DNAH14: variants seen among roughly 807,000 people sequenced by gnomAD.
DNAH14 encodes the protein dynein axonemal heavy chain 14.
DNAH14 carries 478 observed loss-of-function variants against 520.9 expected under a neutral mutation model. That is an observed-to-expected ratio of 0.92 (90% CI 0.85 to 0.99). The LOEUF (loss-of-function observed/expected upper bound fraction) is 0.99. Ranked by LOEUF, DNAH14 falls within the 50% of genes least tolerant of loss-of-function variation. The pLI is 0.00. For missense variants in DNAH14, 4,831 were observed against 5,234.5 expected (o/e 0.92, Z 2.38); for synonymous variants, 1,581 against 1,757.2 (o/e 0.90, Z 2.51).
chr1:225,311,691 A>G (rs923782231), intron 60 of DNAH14, among the ~76,000 whole-genome samples: 11 of 152,150 alleles, frequency 7.2e-5, no homozygotes, highest in African/African-American at 2.4e-4. Context: ...TCCCAACACT[A>G]TTAAATAGGG....
At chr1:225,021,812 C>T (rs984095015) in intron 10 of DNAH14, among the ~76,000 whole-genome samples, 1 of 151,974 alleles carries the variant, frequency 6.6e-6, no homozygotes, top group Non-Finnish European at 1.5e-5. Flanking sequence ...AACCAAAGAA[C>T]CTGAATTGCC....
chr1:225,375,171 G>A (rs765477082), intron 78 of DNAH14, among the ~76,000 whole-genome samples: 34 of 152,118 alleles, frequency 2.2e-4, no homozygotes, highest in South Asian at 4.1e-4. Context: ...TTCCATGCCA[G>A]TCACTTGATA....
intron 41 of DNAH14, among the ~76,000 whole-genome samples, chr1:225,224,298 A>G (rs1454568292): frequency 6.6e-6 from 1 of 151,432 alleles, no homozygotes; most frequent in Non-Finnish European, 1.5e-5. Flanking sequence ...TAGATTGCAT[A>G]GACCCGCAAT....
intron 36 of DNAH14, among the ~76,000 whole-genome samples, chr1:225,178,817 C>T (rs1378210750): frequency 1.3e-5 from 2 of 152,084 alleles, no homozygotes; most frequent in Non-Finnish European, 2.9e-5. Context: ...TGTCCCCACC[C>T]GTATCTCATC....
At position 225,398,617 on chromosome 1, in the gene DNAH14, C is replaced by T. The variant is rs893251212; in HGVS notation, c.13589C>T (p.Pro4530Leu). The change falls in exon 85 of 86, where the codon CCT becomes CTT. Residue 4530 changes from proline to leucine, a missense_variant. Pro to Leu is a moderately conservative substitution (Grantham distance 98). Transcript: ENST00000682510. ...CAGAAAATACTGGAAGACTCGCTGC[C>T]TCTGGAGATGTGCTGTGATTTTCCC... The part of the protein sequence containing the change: ...REQKILEDSL[P>L]LEMCCDFPDI... 3 of 1,551,606 alleles carry T rather than the reference C, an allele frequency of 1.9e-6. No individual in the cohort carries two copies. In the African/African-American group the frequency reaches 4.1e-5, roughly 21 times the overall value.
At chr1:225,082,218 TTGTC>T (rs1452104286) in intron 19 of DNAH14, among the ~76,000 whole-genome samples, 1 of 87,950 alleles carries the variant, frequency 1.1e-5, no homozygotes, top group East Asian at 3.4e-4. Context: ...ATGTACCCAT[TTGTC>T]TGTATATTTA....
intron 31 of DNAH14, chr1:225,151,783 G>A: frequency 3.1e-6 from 2 of 644,380 alleles, no homozygotes; most frequent in Non-Finnish European, 2.8e-6. Flanking sequence ...AAACATCTTT[G>A]GACATAATCA....
Position 225,080,462 on chromosome 1 carries a change from A to G in DNAH14, c.2850A>G (p.Ala950=), listed in dbSNP as rs1036410645. The change falls in exon 19 of 86, where the codon GCA becomes GCG. Residue 950 remains alanine, a synonymous_variant. Transcript: ENST00000682510. ...EMIQTLSGEA[A]SLTNKAKAYS... ...TCCAGACTCTCTCAGGGGAAGCTGCAAGTTTAACTAACAAAGCTAAAGCAT... is the reference window on the plus strand; with the variant it reads ...TCCAGACTCTCTCAGGGGAAGCTGCGAGTTTAACTAACAAAGCTAAAGCAT... 5.2e-6 allele frequency: 8 copies of G among 1,551,666 alleles called. No individual in the cohort carries two copies. In the African/African-American group the frequency reaches 1.1e-4, roughly 21 times the overall value.
chr1:225,248,383 C>T (rs1436274513), intron 43 of DNAH14, among the ~76,000 whole-genome samples: 2 of 152,002 alleles, frequency 1.3e-5, no homozygotes, highest in African/African-American at 4.8e-5. Flanking sequence ...CAAAATTATA[C>T]ACAAAATAAG....
chr1:225,076,165 G>A (rs1245180017), intron 17 of DNAH14, among the ~76,000 whole-genome samples: 1 of 152,168 alleles, frequency 6.6e-6, no homozygotes, highest in East Asian at 1.9e-4. Flanking sequence ...GGGCTGTCTG[G>A]AACCCAAGGC....
chr1:225,373,169 G>A (rs2095639422), intron 77 of DNAH14, among the ~76,000 whole-genome samples: 2 of 27,268 alleles, frequency 7.3e-5, no homozygotes, highest in Non-Finnish European at 3.1e-4. Flanking sequence ...ACTAGCATTT[G>A]TGGAAAAAAA....
At chr1:225,132,312 G>A (rs10915785) in intron 27 of DNAH14, among the ~76,000 whole-genome samples, 6,635 of 152,002 alleles carry the variant, frequency 0.044, 425 homozygotes, top group African/African-American at 0.14. Flanking sequence ...CCGTCACCTA[G>A]GTATTAAGCC....
rs1573568809 is a variant in DNAH14, at chr1:225,156,917, G to A, written c.5274-2397G>A. Among the ~76,000 whole-genome samples the A allele has an allele frequency of 2.6e-5, 3 of 114,006 alleles. No homozygotes were observed. In the South Asian group the frequency reaches 9.6e-4, roughly 36 times the overall value. The allele number at this position is 114,006 out of a possible 152,430, so 74.8% of individuals were successfully genotyped here. A position where few individuals can be genotyped will look rare whatever the true frequency, so the allele number is the denominator to read the frequency against. ...TTTTTAGTAGAGACGGGGTTTCACC[G>A]TTTTAGCCGGGATGGTCTCGATCTC... On this transcript the variant is annotated intron_variant, in intron 34 of 85. Coordinates refer to ENST00000682510, the MANE Select transcript of DNAH14 (RefSeq NM_001367479.1).
At chr1:225,042,557 T>A (rs1450572571) in intron 12 of DNAH14, among the ~76,000 whole-genome samples, 1 of 152,142 alleles carries the variant, frequency 6.6e-6, no homozygotes. Context: ...GACCTAAGAA[T>A]TTGTATTTTA....
At chr1:224,969,474 T>C (rs2061378350) in intron 7 of DNAH14, 1 of 163,904 alleles carries the variant, frequency 6.1e-6, no homozygotes, top group African/African-American at 2.4e-5. Context: ...TACAATAAAG[T>C]AAGTTAGAGG....
rs1420995333 is a variant in DNAH14 at position 225,374,867 on chromosome 1, C to A, written c.12498C>A (p.Phe4166Leu). 6.5e-7 allele frequency: 1 copy of A among 1,549,522 alleles called. No individual in the cohort carries two copies. Among genetic ancestry groups the A allele is most frequent in the African/African-American group, 1.4e-5 (1 of 73,014 alleles). The change falls in exon 78 of 86, where the codon TTC becomes TTA. Residue 4166 changes from phenylalanine (F) to leucine (L), a missense_variant. Physicochemically the swap from Phe to Leu is conservative, Grantham distance 22 (BLOSUM62 0). Transcript: ENST00000682510. ...FCNPEVLKDDFSFSSDGICLP... is the reference protein window; with the variant it reads ...FCNPEVLKDDLSFSSDGICLP... ...ATCCTGAAGTGCTGAAAGATGACTTCAGTTTCTCCAGTGATGGGGTAGGAA... is the reference window on the plus strand; with the variant it reads ...ATCCTGAAGTGCTGAAAGATGACTTAAGTTTCTCCAGTGATGGGGTAGGAA...
At chr1:225,257,412 A>T (rs2092775569) in intron 44 of DNAH14, among the ~76,000 whole-genome samples, 1 of 152,218 alleles carries the variant, frequency 6.6e-6, no homozygotes, top group African/African-American at 2.4e-5. Context: ...CAGGAATAGG[A>T]AGACTTTTAA....
At chr1:225,173,733 C>T (rs1173045940) in intron 36 of DNAH14, among the ~76,000 whole-genome samples, 2 of 152,190 alleles carry the variant, frequency 1.3e-5, no homozygotes, top group African/African-American at 2.4e-5. Context: ...CTAGAAATAC[C>T]ATTTGACCCA....
chr1:225,040,905 G>A (rs1377323478), intron 12 of DNAH14, among the ~76,000 whole-genome samples: 2 of 152,322 alleles, frequency 1.3e-5, no homozygotes, highest in East Asian at 3.9e-4. Flanking sequence ...TCAGATAGGT[G>A]TGAAATGGCA....
Sources: gnomAD v4.1 joint callset for allele counts (sites outside exome capture counted in the v4.1 genomes callset) on GRCh38, gnomAD v4.1.1 for gene constraint, MANE v1.5 for transcripts, NCBI Gene and HGNC (gene_info 2026-07-23, HGNC 2026-07-21) for gene names.